PTK2: variants seen among roughly 807,000 people sequenced by gnomAD.
The protein encoded by PTK2 is protein tyrosine kinase 2, also known as focal adhesion kinase 1.
In PTK2, 45 loss-of-function variants were observed where a neutral mutation model predicts 150.1. The observed-to-expected ratio is 0.30, with a 90% CI of 0.24 to 0.38. The LOEUF (loss-of-function observed/expected upper bound fraction) is 0.38. Among genes scored for constraint, PTK2 ranks in the 10% least tolerant of loss-of-function variants. PTK2 has a pLI of 1.00. For missense variants in PTK2, 919 were observed against 1,307.3 expected (o/e 0.70, Z 4.58); for synonymous variants, 432 against 449.2 (o/e 0.96, Z 0.48).
chr8:140,670,330 C>T (rs1314831006), intron 29 of PTK2: 1 of 151,712 alleles, frequency 6.6e-6, no homozygotes, highest in Admixed American at 6.6e-5. Flanking sequence ...GGTAGTGCAT[C>T]CCTGTAATCC....
intron 26 of PTK2, among the ~76,000 whole-genome samples, chr8:140,699,482 G>A (rs1197965670): frequency 6.6e-6 from 1 of 152,130 alleles, no homozygotes; most frequent in East Asian, 1.9e-4. Flanking sequence ...GTCCCCAAGG[G>A]ACTTCTGAAG....
At chr8:140,823,436 G>T (rs1310382721) in intron 8 of PTK2, among the ~76,000 whole-genome samples, 3 of 151,588 alleles carry the variant, frequency 2.0e-5, no homozygotes, top group African/African-American at 7.3e-5. Flanking sequence ...ATGAAGTAAC[G>T]GAGATAGAAG....
At chr8:140,792,610 G>A (rs879713967) in intron 13 of PTK2, among the ~76,000 whole-genome samples, 2 of 152,248 alleles carry the variant, frequency 1.3e-5, no homozygotes, top group Non-Finnish European at 2.9e-5. Flanking sequence ...GGGAGACACA[G>A]TGGGAAGGCA....
At chr8:140,778,575 T>A (rs1328871023) in intron 14 of PTK2, among the ~76,000 whole-genome samples, 1 of 152,248 alleles carries the variant, frequency 6.6e-6, no homozygotes, top group African/African-American at 2.4e-5. Flanking sequence ...TGAGATGGAA[T>A]TGAAAGCAAG....
intron 26 of PTK2, 151 bp from the exon 30 acceptor site, chr8:140,686,845 A>G (rs2100020216): frequency 1.5e-6 from 1 of 686,164 alleles, no homozygotes; most frequent in Non-Finnish European, 2.5e-6. Context: ...TCCAGTGATG[A>G]TAAATGAAGG....
chr8:140,909,600 T>G (rs956621674), intron 2 of PTK2: 1 of 152,162 alleles, frequency 6.6e-6, no homozygotes, highest in Non-Finnish European at 1.5e-5. Flanking sequence ...ATACAACTCT[T>G]AAGTCACCAC....
At chr8:140,995,716 T>C (rs1434827783) in intron 1 of PTK2, among the ~76,000 whole-genome samples, 6 of 151,552 alleles carry the variant, frequency 4.0e-5, no homozygotes, top group African/African-American at 1.5e-4. Flanking sequence ...GGCAGAAGGT[T>C]TCAGTGAGCC....
chr8:140,987,744 C>CT (rs1480833125), intron 1 of PTK2, among the ~76,000 whole-genome samples: 2 of 152,154 alleles, frequency 1.3e-5, no homozygotes, highest in East Asian at 3.9e-4. Context: ...TAGTTTGGCA[C>CT]TTTAAGAATT....
chr8:140,868,357 A>T (rs2100140593), intron 4 of PTK2, among the ~76,000 whole-genome samples: 1 of 152,262 alleles, frequency 6.6e-6, no homozygotes, highest in African/African-American at 2.4e-5. Context: ...TTTTTTAAAA[A>T]AGGGAAGAAT....
intron 24 of PTK2, among the ~76,000 whole-genome samples, chr8:140,704,651 C>T (rs1227236674): frequency 2.6e-5 from 4 of 152,120 alleles, no homozygotes; most frequent in African/African-American, 9.7e-5. Flanking sequence ...TCGGGCTGTT[C>T]CCCTGGGGCC....
intron 1 of PTK2, among the ~76,000 whole-genome samples, chr8:140,926,569 T>C (rs1032514545): frequency 1.3e-5 from 2 of 152,178 alleles, no homozygotes; most frequent in Admixed American, 1.3e-4. Flanking sequence ...ATGAGGCTCA[T>C]GTGATAGTCC....
intron 30 of PTK2, 36 bp downstream of exon 34, chr8:140,668,233 A>C: frequency 3.7e-6 from 6 of 1,612,500 alleles, no homozygotes; most frequent in Non-Finnish European, 5.1e-6. Flanking sequence ...GGAAACAAGA[A>C]CATTTTTGCC....
chr8:140,772,961 T>C (rs1231340411), intron 14 of PTK2, among the ~76,000 whole-genome samples: 4 of 152,222 alleles, frequency 2.6e-5, no homozygotes, highest in African/African-American at 9.7e-5. Context: ...TTGCTTAGTT[T>C]TCTTATTGTA....
chr8:140,726,248 A>G (rs1328235584), intron 22 of PTK2, among the ~76,000 whole-genome samples: 1 of 152,128 alleles, frequency 6.6e-6, no homozygotes, highest in Non-Finnish European at 1.5e-5. Flanking sequence ...TGACAACGAG[A>G]GCTTCTGGGA....
intron 2 of PTK2, among the ~76,000 whole-genome samples, chr8:140,897,321 T>G (rs180743386): frequency 1.3e-5 from 2 of 152,274 alleles, no homozygotes; most frequent in African/African-American, 2.4e-5. Flanking sequence ...GAAGCAGTTT[T>G]CCATTATAGA....
chr8:140,721,919 A>C (rs563597902), intron 22 of PTK2: 15 of 152,372 alleles, frequency 9.8e-5, no homozygotes, highest in African/African-American at 3.4e-4. Flanking sequence ...ACTCTTGCCA[A>C]AAGGCATTGT....
At chr8:140,662,733 T>C in intron 31 of PTK2, 1 of 591,622 alleles carries the variant, frequency 1.7e-6, no homozygotes, top group East Asian at 2.8e-5. Flanking sequence ...CTGGACATCG[T>C]ATGTCTCTGG....
At chr8:140,802,086 A>G (rs1177795452) in intron 11 of PTK2, among the ~76,000 whole-genome samples, 2 of 151,966 alleles carry the variant, frequency 1.3e-5, no homozygotes, top group Non-Finnish European at 2.9e-5. Context: ...ACTTATTTAA[A>G]AAAAAAAAGT....
At chr8:140,713,867 TA>T (rs567755947) in intron 23 of PTK2, among the ~76,000 whole-genome samples, 4 of 152,234 alleles carry the variant, frequency 2.6e-5, no homozygotes, top group East Asian at 1.9e-4. Context: ...AAGTAAGCTT[TA>T]AAAAAAATTA....
Sources: gnomAD v4.1 joint callset for allele counts (sites outside exome capture counted in the v4.1 genomes callset) on GRCh38, gnomAD v4.1.1 for gene constraint, MANE v1.5 for transcripts, NCBI Gene and HGNC (gene_info 2026-07-23, HGNC 2026-07-21) for gene names.